Variants in SORCS2 observed in about 807,000 individuals in gnomAD.
The protein encoded by SORCS2 is sortilin related VPS10 domain containing receptor 2.
In SORCS2, 100 loss-of-function variants were observed where a neutral mutation model predicts 141.6. The observed-to-expected ratio is 0.71, with a 90% CI of 0.60 to 0.83. The LOEUF (loss-of-function observed/expected upper bound fraction) is 0.83. Among genes scored for constraint, SORCS2 ranks in the 40% least tolerant of loss-of-function variants. The probability of loss-of-function intolerance (pLI) is 0.00; values close to 1 mark genes in which losing one functional copy is unlikely to be tolerated. For missense variants in SORCS2, 1,646 were observed against 1,560.2 expected, an observed-to-expected ratio of 1.05 and a Z score of -0.93; for synonymous variants, 789 against 676.9, an observed-to-expected ratio of 1.17 and a Z score of -2.57.
At chr4:7,322,697 ACT>A (rs1399806263) in intron 1 of SORCS2, among the ~76,000 whole-genome samples, 5 of 151,942 alleles carry the variant, frequency 3.3e-5, no homozygotes, top group African/African-American at 1.2e-4. Flanking sequence ...GGCTGCACAC[ACT>A]CCGTGGACTA....
chr4:7,225,350 CT>C (rs1728931625), intron 1 of SORCS2, among the ~76,000 whole-genome samples: 1 of 152,246 alleles, frequency 6.6e-6, no homozygotes, highest in South Asian at 2.1e-4. Flanking sequence ...GTACCCAGCC[CT>C]GCTCTTGGCT....
At chr4:7,495,613 G>C (rs1731565012) in intron 2 of SORCS2, among the ~76,000 whole-genome samples, 1 of 152,210 alleles carries the variant, frequency 6.6e-6, no homozygotes, top group Non-Finnish European at 1.5e-5. Context: ...TTGTCCTAGA[G>C]CTCACAGGCT....
At chr4:7,582,606 A>G (rs1029780268) in intron 3 of SORCS2, among the ~76,000 whole-genome samples, 30 of 152,306 alleles carry the variant, frequency 2.0e-4, no homozygotes, top group African/African-American at 6.7e-4. Context: ...GCTGCAATCT[A>G]TTGAAAGTCA....
intron 3 of SORCS2, among the ~76,000 whole-genome samples, chr4:7,634,359 G>A (rs1305155150): frequency 1.4e-5 from 2 of 140,886 alleles, no homozygotes; most frequent in South Asian, 2.5e-4. Context: ...AAAACAGAGC[G>A]AGACTGTGTC....
rs151002222 is a variant in SORCS2, at chr4:7,626,846, C to G, written c.649-11482C>G. Among the ~76,000 whole-genome samples, 52 of 152,282 alleles carry G rather than the reference C, an allele frequency of 3.4e-4. 1 individual carries two copies. The highest frequency in any genetic ancestry group is 1.2e-3 in the African/African-American group (48 of 41,560). ...CCAACATGTAATACAGTCCCTGGTG[C>G]TCAGTGCCTAGGTGCTGGCTCAATG... On this transcript the variant is annotated intron_variant, in intron 3 of 26. Transcript: ENST00000507866.
intron 2 of SORCS2, among the ~76,000 whole-genome samples, chr4:7,411,769 G>A (rs1449275490): frequency 1.3e-5 from 2 of 152,138 alleles, no homozygotes; most frequent in African/African-American, 4.8e-5. Context: ...CGTATGGTGG[G>A]GCTGAAAGAA....
chr4:7,311,037 A>G (rs79360350), intron 1 of SORCS2, among the ~76,000 whole-genome samples: 9,371 of 152,160 alleles, frequency 0.062, 766 homozygotes, highest in African/African-American at 0.18. Context: ...GGTAGGGGCC[A>G]CATACATTAC....
intron 23 of SORCS2, among the ~76,000 whole-genome samples, chr4:7,732,594 A>AG (rs1711792918): frequency 6.6e-6 from 1 of 152,010 alleles, no homozygotes; most frequent in African/African-American, 2.4e-5. Context: ...TCCCTCAGGT[A>AG]GGGGGTCTGA....
intron 3 of SORCS2, among the ~76,000 whole-genome samples, chr4:7,585,873 T>C (rs1362946142): frequency 6.6e-6 from 1 of 152,248 alleles, no homozygotes; most frequent in Non-Finnish European, 1.5e-5. Flanking sequence ...GAGTCATCTC[T>C]CTTCCTTGCA....
At chr4:7,402,458 C>G (rs150424355) in intron 2 of SORCS2, among the ~76,000 whole-genome samples, 1 of 152,150 alleles carries the variant, frequency 6.6e-6, no homozygotes, top group Non-Finnish European at 1.5e-5. Flanking sequence ...CATTACTTTG[C>G]CTTTTGAAGT....
intron 1 of SORCS2, among the ~76,000 whole-genome samples, chr4:7,310,796 C>G (rs1718134632): frequency 1.3e-5 from 2 of 152,286 alleles, no homozygotes; most frequent in South Asian, 4.1e-4. Flanking sequence ...GGCCAATCTG[C>G]AAAGAGAAAG....
intron 1 of SORCS2, among the ~76,000 whole-genome samples, chr4:7,198,808 G>A (rs1451766908): frequency 6.6e-6 from 1 of 152,170 alleles, no homozygotes; most frequent in African/African-American, 2.4e-5. Flanking sequence ...TGTGTGGAGA[G>A]AGGCGGCAGC....
chr4:7,702,527 C>A (rs1725152708), intron 12 of SORCS2, among the ~76,000 whole-genome samples: 1 of 152,160 alleles, frequency 6.6e-6, no homozygotes, highest in South Asian at 2.1e-4. Flanking sequence ...GTTTGCCAAG[C>A]GAGGCCACCC....
chr4:7,211,948 C>T (rs1728084982), intron 1 of SORCS2, among the ~76,000 whole-genome samples: 1 of 152,190 alleles, frequency 6.6e-6, no homozygotes, highest in South Asian at 2.1e-4. Flanking sequence ...TGAATGTTAT[C>T]TGGTGTCTGT....
chr4:7,525,702 G>C (rs973050327), intron 2 of SORCS2, among the ~76,000 whole-genome samples: 4 of 144,936 alleles, frequency 2.8e-5, no homozygotes, highest in African/African-American at 1.0e-4. Context: ...CCCCACCTCA[G>C]TCACTTGTCC....
At chr4:7,270,908 C>T (rs183372490) in intron 1 of SORCS2, among the ~76,000 whole-genome samples, 271 of 152,368 alleles carry the variant, frequency 1.8e-3, no homozygotes, top group African/African-American at 5.6e-3. Flanking sequence ...AGGATACTTA[C>T]GTTCTCTCCA....
At position 7,588,597 on chromosome 4, in the gene SORCS2, A is replaced by T. The variant is rs369020587; in HGVS notation, c.649-49731A>T. Among the ~76,000 whole-genome samples the T allele has an allele frequency of 6.6e-5, 10 of 152,160 alleles. No homozygotes were observed. In the South Asian group the frequency reaches 1.0e-3, roughly 16 times the overall value. Reference sequence around the variant, plus strand: ...CCTCTGACCTTGGTTCAGGGGAATCACGTGGGCTGGCCTTACCAGCAGATG... The same window carrying T: ...CCTCTGACCTTGGTTCAGGGGAATCTCGTGGGCTGGCCTTACCAGCAGATG... On this transcript the variant is annotated intron_variant, in intron 3 of 26. Coordinates refer to ENST00000507866, the MANE Select transcript of SORCS2 (RefSeq NM_020777.3).
chr4:7,636,791 T>C (rs1202790438), intron 3 of SORCS2, among the ~76,000 whole-genome samples: 1 of 152,070 alleles, frequency 6.6e-6, no homozygotes, highest in Non-Finnish European at 1.5e-5. Context: ...TGTGTGTGTT[T>C]CTTGGGGTTG....
At chr4:7,604,378 C>T (rs1382159142) in intron 3 of SORCS2, among the ~76,000 whole-genome samples, 7 of 152,166 alleles carry the variant, frequency 4.6e-5, no homozygotes, top group Admixed American at 6.5e-5. Flanking sequence ...AGTGCAGTGG[C>T]GCGATCTCGG....
Sources: gnomAD v4.1 joint callset for allele counts (sites outside exome capture counted in the v4.1 genomes callset) on GRCh38, gnomAD v4.1.1 for gene constraint, MANE v1.5 for transcripts, NCBI Gene and HGNC (gene_info 2026-07-23, HGNC 2026-07-21) for gene names.